Variants in DLGAP2 observed in about 807,000 individuals in gnomAD.
The protein encoded by DLGAP2 is DLG associated protein 2, also known as disks large-associated protein 2.
DLGAP2 carries 26 observed loss-of-function variants against 100.3 expected under a neutral mutation model. The ratio of observed to expected loss-of-function variants is 0.26; its 90% confidence interval spans 0.19 to 0.36. The LOEUF (loss-of-function observed/expected upper bound fraction) is 0.36. Among genes scored for constraint, DLGAP2 ranks in the 10% least tolerant of loss-of-function variants. The pLI, the probability that DLGAP2 is intolerant of heterozygous loss-of-function variation, is 1.00. For synonymous variants in DLGAP2, 886 were observed against 630.1 expected (o/e 1.41, Z -6.08); for missense variants, 1,858 against 1,453.2 (o/e 1.28, Z -4.53).
chr8:1,530,678 G>T lies in DLGAP2; in HGVS notation c.173-17948G>T, dbSNP rs1430128024. 2.6e-5 allele frequency among the ~76,000 whole-genome samples: 4 copies of T among 152,334 alleles called. No individual in the cohort carries two copies. In the East Asian group the frequency reaches 7.7e-4, roughly 29 times the overall value. On this transcript the variant is annotated intron_variant, in intron 4 of 14. Coordinates refer to ENST00000637795, the MANE Select transcript of DLGAP2 (RefSeq NM_001346810.2). Reference sequence around the variant, plus strand: ...AAGACAGGCATAAGAAATTACAAAAGTATTAATTTGGGGAACTAATAAATG... The same window carrying T: ...AAGACAGGCATAAGAAATTACAAAATTATTAATTTGGGGAACTAATAAATG...
intron 2 of DLGAP2, among the ~76,000 whole-genome samples, chr8:1,119,385 GT>G (rs1484022507): frequency 6.6e-6 from 1 of 152,246 alleles, no homozygotes. Context: ...GAGGCTGACT[GT>G]GCATCTACTG....
chr8:931,040 A>G (rs1393864812), intron 2 of DLGAP2, among the ~76,000 whole-genome samples: 1 of 152,058 alleles, frequency 6.6e-6, no homozygotes, highest in Admixed American at 6.5e-5. Context: ...GTCTTCGTCA[A>G]ATGATTTCCC....
intron 10 of DLGAP2, among the ~76,000 whole-genome samples, chr8:1,673,938 G>A (rs1048964453): frequency 6.6e-6 from 1 of 152,222 alleles, no homozygotes; most frequent in African/African-American, 2.4e-5. Flanking sequence ...ACATGCCTGT[G>A]ACTGCGAGTG....
rs1187718717 is a variant in DLGAP2 at position 1,187,733 on chromosome 8, C to T, written c.74-71118C>T. 6.8e-5 allele frequency among the ~76,000 whole-genome samples: 10 copies of T among 147,096 alleles called. 1 individual carries two copies. The highest frequency in any genetic ancestry group is 1.8e-4 in the African/African-American group (7 of 38,702). ...TTTCCCTCACGGAATCTCACACGCC[C>T]GAGACTTCCGTGACGTTTCCCTCAC... On this transcript the variant is annotated intron_variant, in intron 2 of 14. Transcript: ENST00000637795.
chr8:1,323,537 C>T (rs1343237277), intron 3 of DLGAP2, among the ~76,000 whole-genome samples: 2 of 152,160 alleles, frequency 1.3e-5, no homozygotes, highest in Non-Finnish European at 2.9e-5. Flanking sequence ...GAGTGTAGTG[C>T]GGGAAGCAAT....
intron 2 of DLGAP2, among the ~76,000 whole-genome samples, chr8:1,132,797 G>C (rs1232651359): frequency 3.3e-5 from 5 of 152,220 alleles, no homozygotes; most frequent in African/African-American, 1.2e-4. Flanking sequence ...ATTGGTTTAA[G>C]CTTAGAAGGG....
At chr8:1,446,667 A>G (rs576307505) in intron 3 of DLGAP2, among the ~76,000 whole-genome samples, 2,105 of 152,276 alleles carry the variant, frequency 0.014, 57 homozygotes, top group African/African-American at 0.048. Flanking sequence ...CATTGAATGT[A>G]TAAATTACCT....
intron 2 of DLGAP2, among the ~76,000 whole-genome samples, chr8:1,254,860 G>A (rs1799136283): frequency 1.3e-5 from 2 of 152,074 alleles, no homozygotes; most frequent in African/African-American, 2.4e-5. Context: ...CTCACTCCCT[G>A]GCCCTCTCAT....
At chr8:927,297 C>T (rs1268131677) in intron 2 of DLGAP2, 20 of 918,300 alleles carry the variant, frequency 2.2e-5, no homozygotes, top group South Asian at 1.5e-4. Context: ...GCTTCTGTGG[C>T]GACTGTTTTC....
intron 3 of DLGAP2, among the ~76,000 whole-genome samples, chr8:1,415,768 G>C (rs1796866427): frequency 6.6e-6 from 1 of 152,214 alleles, no homozygotes; most frequent in Non-Finnish European, 1.5e-5. Flanking sequence ...TGTGAACCAT[G>C]CTGCAGTGAA....
chr8:1,687,587 A>T (rs754179021), intron 12 of DLGAP2, among the ~76,000 whole-genome samples: 1 of 152,206 alleles, frequency 6.6e-6, no homozygotes, highest in East Asian at 1.9e-4. Flanking sequence ...TTTGACATTC[A>T]TTATCTCTCC....
intron 8 of DLGAP2, among the ~76,000 whole-genome samples, chr8:1,666,297 C>T (rs759603595): frequency 2.6e-4 from 40 of 152,178 alleles, no homozygotes; most frequent in African/African-American, 6.0e-4. Flanking sequence ...GCTCAGCACC[C>T]GATTGATTTC....
Position 759,892 on chromosome 8 carries a change from G to T in DLGAP2, c.18+22067G>T, listed in dbSNP as rs147503022. 6.2e-3 allele frequency among the ~76,000 whole-genome samples: 942 copies of T among 152,308 alleles called. 4 individuals are homozygous for T. Among genetic ancestry groups the T allele is most frequent in the Non-Finnish European group, 7.2e-3 (490 of 68,036 alleles). On this transcript the variant is annotated intron_variant, in intron 1 of 14. Coordinates refer to ENST00000637795, the MANE Select transcript of DLGAP2 (RefSeq NM_001346810.2). Reference sequence around the variant, plus strand: ...GCTCTGTCAACTCTAGGCAGTGTCAGTTGACAGCCCAGCTTGCCGTGGAGA... The same window carrying T: ...GCTCTGTCAACTCTAGGCAGTGTCATTTGACAGCCCAGCTTGCCGTGGAGA...
intron 14 of DLGAP2, among the ~76,000 whole-genome samples, chr8:1,697,714 G>A (rs1799440485): frequency 6.6e-6 from 1 of 152,164 alleles, no homozygotes; most frequent in East Asian, 1.9e-4. Flanking sequence ...CCTGGTTATG[G>A]ACTATCTCCT....
intron 2 of DLGAP2, among the ~76,000 whole-genome samples, chr8:1,084,774 C>T (rs1803920541): frequency 6.6e-6 from 1 of 152,216 alleles, no homozygotes; most frequent in South Asian, 2.1e-4. Context: ...TTATTCGTTG[C>T]TCCCTTGATG....
In DLGAP2 at chr8:1,155,691, T is replaced by C. The variant is rs1038074778; in HGVS notation, c.74-103160T>C. Among the ~76,000 whole-genome samples, 8 of 152,118 alleles carry C rather than the reference T, an allele frequency of 5.3e-5. No homozygotes were observed. The South Asian group carries it at 6.2e-4, about 12-fold the overall frequency. On this transcript the variant is annotated intron_variant, in intron 2 of 14. Coordinates refer to ENST00000637795, the MANE Select transcript of DLGAP2 (RefSeq NM_001346810.2). ...GGCCCCTCCGAGGCCCCCAGGCCCC[T>C]CCGAGGCTTCCCAGCGCTTCTCACT...
chr8:1,270,306 G>A (rs545642194), intron 3 of DLGAP2, among the ~76,000 whole-genome samples: 1 of 152,270 alleles, frequency 6.6e-6, no homozygotes, highest in African/African-American at 2.4e-5. Context: ...CAACAGCTCT[G>A]AAAAATGTCC....
intron 4 of DLGAP2, among the ~76,000 whole-genome samples, chr8:1,505,916 AAATG>A (rs1163909295): frequency 6.6e-6 from 1 of 152,248 alleles, no homozygotes; most frequent in African/African-American, 2.4e-5. Flanking sequence ...TTGCATTGAT[AAATG>A]AATGCAAAAT....
intron 2 of DLGAP2, among the ~76,000 whole-genome samples, chr8:1,251,237 G>A (rs6994442): frequency 0.81 from 122,676 of 152,100 alleles, 49,652 homozygotes; most frequent in Middle Eastern, 0.91. Context: ...ATACATGACT[G>A]GTGTTATTAG....
Sources: gnomAD v4.1 joint callset for allele counts (sites outside exome capture counted in the v4.1 genomes callset) on GRCh38, gnomAD v4.1.1 for gene constraint, MANE v1.5 for transcripts, NCBI Gene and HGNC (gene_info 2026-07-23, HGNC 2026-07-21) for gene names.